MIB1: variants seen among roughly 807,000 people sequenced by gnomAD.
MIB1 encodes E3 ubiquitin-protein ligase MIB1.
In MIB1, 278 loss-of-function variants were observed where a neutral mutation model predicts 124.5. The ratio of observed to expected loss-of-function variants is 2.23; its 90% CI spans 2.02 to 2.47. The LOEUF (loss-of-function observed/expected upper bound fraction) is 2.47. MIB1 is among the 30% of genes most tolerant of loss of function. The probability of loss-of-function intolerance (pLI) is 0.00; values close to 1 mark genes in which losing one functional copy is unlikely to be tolerated. For missense variants in MIB1, 957 were observed against 1,254.4 expected (o/e 0.76, Z 3.58); for synonymous variants, 446 against 429.4 (o/e 1.04, Z -0.48).
intron 2 of MIB1, 72 bp from the exon 3 acceptor site, chr18:21,768,551 A>G: frequency 9.0e-7 from 1 of 1,106,094 alleles, no homozygotes; most frequent in South Asian, 1.5e-5. Flanking sequence ...CATTTTTATA[A>G]TTTTGTTTTA....
chr18:21,799,816 A>G (rs2041629416), intron 8 of MIB1, 25 bp from the exon 9 acceptor site: 1 of 1,599,446 alleles, frequency 6.3e-7, no homozygotes, highest in Non-Finnish European at 8.5e-7. Flanking sequence ...CTCCTATATT[A>G]GCAGCTTTAT....
intron 2 of MIB1, among the ~76,000 whole-genome samples, chr18:21,766,386 TAAG>T (rs10569329): frequency 0.18 from 27,976 of 152,048 alleles, 3,112 homozygotes; most frequent in South Asian, 0.39. Flanking sequence ...ATAGTATTCT[TAAG>T]GAGTTTACAA....
In MIB1 at chr18:21,815,050, TATATATAA is replaced by T. The variant is rs1466421889; in HGVS notation, c.1480-564_1480-557del. On this transcript the variant is annotated intron_variant, in intron 10 of 20. Coordinates refer to ENST00000261537, the MANE Select transcript of MIB1 (RefSeq NM_020774.4). ...ATATATATATATATATATATATATA[TATATATAA>T]AATTATATATAAATGTATATATATA... Among the ~76,000 whole-genome samples the T allele has an allele frequency of 3.0e-4, 38 of 126,028 alleles. 1 individual carries two copies. The highest frequency in any genetic ancestry group is 5.0e-4 in the Non-Finnish European group (30 of 59,672). 82.7% of individuals were successfully genotyped at this position (126,028 alleles called of 152,430 possible).
At position 21,741,396 on chromosome 18, in the gene MIB1, T is replaced by C; in HGVS notation, c.-188T>C. On this transcript the variant is annotated 5_prime_UTR_variant, in exon 1 of 21. Transcript: ENST00000261537. The surrounding 1 kb of genome is among the most constrained non-coding windows in gnomAD (Gnocchi z 5.4). ...GAGCGGGGGGCGCGGCGGCGACAGC[T>C]GGGCAGCGGCTTTGGGCTCCGCGGG... 4.1e-6 allele frequency: 1 copy of C among 242,576 alleles called. No individual in the cohort carries two copies. Among genetic ancestry groups the C allele is most frequent in the Non-Finnish European group, 7.6e-6 (1 of 131,000 alleles). 15.0% of individuals were successfully genotyped at this position (242,576 alleles called of 1,614,324 possible). A position where few individuals can be genotyped will look rare whatever the true frequency, so the allele number is the denominator to read the frequency against.
chr18:21,722,780 A>G (rs1353155487), intron 1 of MIB1, among the ~76,000 whole-genome samples: 2 of 152,064 alleles, frequency 1.3e-5, no homozygotes. Flanking sequence ...TGGAGTGGTT[A>G]TGGGTTTTTG....
chr18:21,773,972 G>A (rs983067033), intron 4 of MIB1, among the ~76,000 whole-genome samples: 3 of 152,096 alleles, frequency 2.0e-5, no homozygotes, highest in Admixed American at 1.3e-4. Context: ...GTTTATTTAC[G>A]AAAATCTATC....
intron 11 of MIB1, among the ~76,000 whole-genome samples, chr18:21,816,027 G>A (rs1287414589): frequency 1.3e-5 from 2 of 152,104 alleles, no homozygotes; most frequent in African/African-American, 4.8e-5. Context: ...TTTTGATTGG[G>A]CAGGGAGAAT....
chr18:21,844,349 A>G (rs1210618491), intron 15 of MIB1, 96 bp downstream of exon 15: 3 of 1,262,418 alleles, frequency 2.4e-6, no homozygotes, highest in Non-Finnish European at 3.3e-6. Context: ...TGGATAAAAT[A>G]TTTTATCAGA....
chr18:21,864,456 G>GAT (rs1174540158), intron 20 of MIB1, 70 bp from the exon 21 acceptor site: 1 of 1,171,106 alleles, frequency 8.5e-7, no homozygotes, highest in Non-Finnish European at 1.2e-6. Flanking sequence ...GAAAATTAAT[G>GAT]ATATATAACA....
At chr18:21,844,571 A>G (rs1181283632) in intron 15 of MIB1, among the ~76,000 whole-genome samples, 1 of 152,052 alleles carries the variant, frequency 6.6e-6, no homozygotes, top group Non-Finnish European at 1.5e-5. Context: ...CTGGGATTAT[A>G]GGCGCCTGCA....
At chr18:21,721,380 C>T (rs1275316589) in intron 1 of MIB1, among the ~76,000 whole-genome samples, 1 of 151,602 alleles carries the variant, frequency 6.6e-6, no homozygotes, top group Non-Finnish European at 1.5e-5. Context: ...AGGGTTTCGC[C>T]ATGTTGGACA....
intron 1 of MIB1, among the ~76,000 whole-genome samples, chr18:21,718,709 G>A (rs2040700879): frequency 6.6e-6 from 1 of 152,194 alleles, no homozygotes; most frequent in African/African-American, 2.4e-5. Context: ...ACTATCTTGG[G>A]TGAGTTACTG....
At chr18:21,724,727 AATATATATATAT>A (rs60650753) in intron 1 of MIB1, among the ~76,000 whole-genome samples, 62 of 17,360 alleles carry the variant, frequency 3.6e-3, no homozygotes, top group East Asian at 7.9e-3. Flanking sequence ...AAAAAAAAAA[AATATATATATAT>A]ATATATATAT....
At chr18:21,831,535 C>T (rs570801026) in intron 12 of MIB1, 1 of 152,256 alleles carries the variant, frequency 6.6e-6, no homozygotes, top group Admixed American at 6.6e-5. Flanking sequence ...AAAAAATAGC[C>T]TCTCAGCTGT....
At chr18:21,803,471 A>G (rs555727805) in intron 9 of MIB1, among the ~76,000 whole-genome samples, 1 of 152,342 alleles carries the variant, frequency 6.6e-6, no homozygotes, top group South Asian at 2.1e-4. Context: ...GTTTGCCTGC[A>G]AGTTGATGTT....
intron 1 of MIB1, among the ~76,000 whole-genome samples, chr18:21,753,150 T>C (rs1367577821): frequency 6.6e-6 from 1 of 152,206 alleles, no homozygotes; most frequent in Non-Finnish European, 1.5e-5. Flanking sequence ...ACCTTCAGAA[T>C]GATATTTTGG....
chr18:21,816,609 G>A (rs2187070), intron 11 of MIB1, among the ~76,000 whole-genome samples: 4,946 of 152,180 alleles, frequency 0.033, 299 homozygotes, highest in African/African-American at 0.11. Context: ...ACTCAATAAT[G>A]ATTTTTTAAA....
intron 10 of MIB1, among the ~76,000 whole-genome samples, chr18:21,809,056 T>A (rs1379783708): frequency 6.6e-6 from 1 of 152,016 alleles, no homozygotes; most frequent in African/African-American, 2.4e-5. Flanking sequence ...AAGACTCAAA[T>A]TACCAAAATC....
chr18:21,768,822 A>G, intron 3 of MIB1, 70 bp downstream of exon 3: 6 of 1,324,980 alleles, frequency 4.5e-6, no homozygotes, highest in East Asian at 2.8e-5. Context: ...TATTACTACT[A>G]TAAATGAATT....
Sources: gnomAD v4.1 joint callset for allele counts (sites outside exome capture counted in the v4.1 genomes callset) on GRCh38, gnomAD v4.1.1 for gene constraint, Gnocchi (gnomAD v3.1) non-coding constraint, MANE v1.5 for transcripts, NCBI Gene and HGNC (gene_info 2026-07-23, HGNC 2026-07-21) for gene names.